Variants in LPIN1 observed in about 807,000 individuals in gnomAD.
The protein encoded by LPIN1 is lipin 1, also known as phosphatidate phosphatase LPIN1.
LPIN1 carries 71 observed loss-of-function variants against 107.5 expected under a neutral mutation model. That is an observed-to-expected ratio of 0.66 (90% CI 0.55 to 0.80). The LOEUF is 0.80. Among genes scored for constraint, LPIN1 ranks in the 30% least tolerant of loss-of-function variants. The pLI, the probability that LPIN1 is intolerant of heterozygous loss-of-function variation, is 0.00. For synonymous variants in LPIN1, 445 were observed against 452.6 expected (o/e 0.98, Z 0.21); for missense variants, 1,043 against 1,160.6 (o/e 0.90, Z 1.47).
chr2:11,762,525 G>A (rs752016240), intron 1 of LPIN1, among the ~76,000 whole-genome samples: 1 of 152,074 alleles, frequency 6.6e-6, no homozygotes, highest in East Asian at 1.9e-4. Context: ...CCCATCCTCC[G>A]AGAGTCCTCT....
intron 2 of LPIN1, among the ~76,000 whole-genome samples, chr2:11,717,962 C>T (rs1663864587): frequency 6.6e-6 from 1 of 152,158 alleles, no homozygotes; most frequent in African/African-American, 2.4e-5. Flanking sequence ...CCATTGCTTC[C>T]TTGCTTTTAG....
intron 7 of LPIN1, among the ~76,000 whole-genome samples, chr2:11,780,596 A>G (rs1045285537): frequency 2.0e-5 from 3 of 152,160 alleles, no homozygotes; most frequent in African/African-American, 7.2e-5. Flanking sequence ...TCCAAAATAA[A>G]TAGAGAAGCA....
At chr2:11,735,882 G>T (rs553263252) in intron 1 of LPIN1, among the ~76,000 whole-genome samples, 1 of 152,326 alleles carries the variant, frequency 6.6e-6, no homozygotes, top group East Asian at 1.9e-4. Context: ...ATCTTAACTG[G>T]GTTCAAAGGT....
intron 1 of LPIN1, among the ~76,000 whole-genome samples, chr2:11,726,211 CAG>C (rs2148540546): frequency 6.6e-6 from 1 of 152,312 alleles, no homozygotes; most frequent in East Asian, 1.9e-4. Flanking sequence ...TTTAATAAAA[CAG>C]AGGTTTCATA....
At chr2:11,727,039 TA>T (rs1329132496) in intron 1 of LPIN1, among the ~76,000 whole-genome samples, 1 of 152,264 alleles carries the variant, frequency 6.6e-6, no homozygotes, top group Non-Finnish European at 1.5e-5. Context: ...AACACTTGAT[TA>T]AAGGGGTGTC....
chr2:11,680,073 C>T (rs138640403), intron 1 of LPIN1, among the ~76,000 whole-genome samples: 1 of 152,222 alleles, frequency 6.6e-6, no homozygotes, highest in Non-Finnish European at 1.5e-5. Context: ...GAAACTGGGA[C>T]CTAGATCAGG....
At chr2:11,680,125 G>A (rs1661633049) in intron 1 of LPIN1, among the ~76,000 whole-genome samples, 1 of 152,232 alleles carries the variant, frequency 6.6e-6, no homozygotes, top group Admixed American at 6.5e-5. Flanking sequence ...AATGCTGAGG[G>A]GGGATGCAGG....
chr2:11,748,110 G>A (rs1167223292), intron 1 of LPIN1, among the ~76,000 whole-genome samples: 2 of 152,332 alleles, frequency 1.3e-5, no homozygotes, highest in Non-Finnish European at 1.5e-5. Flanking sequence ...GTGAGAGACC[G>A]CAGGGATTCC....
Position 11,825,549 on chromosome 2 carries a change from C to T in LPIN1, c.*758C>T, listed in dbSNP as rs796210838. ...ACATTTAAGAATGCGCTTTATCTAG[C>T]TCATGGTAACTTTGCAACGCCTTAG... On this transcript the variant is annotated 3_prime_UTR_variant, in exon 21 of 21. Coordinates refer to ENST00000674199, the MANE Select transcript of LPIN1 (RefSeq NM_001349206.2). The surrounding 1 kb of genome is among the most constrained non-coding windows in gnomAD (Gnocchi z 4.1). The T allele has an allele frequency of 1.6e-4, 25 of 152,748 alleles. 1 individual carries two copies. The highest frequency in any genetic ancestry group is 6.0e-4 in the African/African-American group (25 of 41,548). 9.5% of individuals were successfully genotyped at this position (152,748 alleles called of 1,614,324 possible).
intron 13 of LPIN1, 28 bp downstream of exon 13, chr2:11,792,034 A>C: frequency 3.4e-5 from 54 of 1,591,672 alleles, no homozygotes; most frequent in Non-Finnish European, 4.1e-5. Context: ...AGCAGTGCTC[A>C]CACTTAGCAA....
intron 1 of LPIN1, among the ~76,000 whole-genome samples, chr2:11,701,148 C>T (rs1662852583): frequency 1.3e-5 from 2 of 152,198 alleles, no homozygotes; most frequent in African/African-American, 4.8e-5. Context: ...CTTACCTGAG[C>T]TCTTCCCAGA....
intron 14 of LPIN1, among the ~76,000 whole-genome samples, chr2:11,796,196 G>A (rs1280338472): frequency 6.6e-6 from 1 of 152,182 alleles, no homozygotes; most frequent in Non-Finnish European, 1.5e-5. Flanking sequence ...CAGACAGAAA[G>A]TGCTAACAGA....
intron 10 of LPIN1, 72 bp downstream of exon 10, chr2:11,785,148 A>G (rs1674326425): frequency 8.4e-7 from 1 of 1,195,800 alleles, no homozygotes; most frequent in Non-Finnish European, 1.1e-6. Context: ...GGCTTCTCCA[A>G]GGAGTGCGTG....
Position 11,771,817 on chromosome 2 carries a change from T to C in LPIN1, c.596+138T>C, listed in dbSNP as rs543325631. ...CAGTGGTCCCCAACCTTTTTGGCAC[T>C]AGGGACCAGTTTTGTGGAAGACAGT... On this transcript the variant is annotated intron_variant, in intron 4 of 20. Coordinates refer to ENST00000674199, the MANE Select transcript of LPIN1 (RefSeq NM_001349206.2). The surrounding 1 kb of genome is among the most constrained non-coding windows in gnomAD (Gnocchi z 4.8). 5 of 864,852 alleles carry C rather than the reference T, an allele frequency of 5.8e-6. No homozygotes were observed. The Admixed American group carries it at 1.0e-4, about 18-fold the overall frequency. The allele number at this position is 864,852 out of a possible 1,614,324, so 53.6% of individuals were successfully genotyped here.
At chr2:11,783,608 C>T (rs138055011) in intron 8 of LPIN1, among the ~76,000 whole-genome samples, 40 of 152,340 alleles carry the variant, frequency 2.6e-4, no homozygotes, top group South Asian at 6.2e-4. Flanking sequence ...TCACCCTCAA[C>T]GGTACTGTGC....
chr2:11,812,450 G>T, intron 17 of LPIN1, among the ~76,000 whole-genome samples: 1 of 152,126 alleles, frequency 6.6e-6, no homozygotes, highest in Admixed American at 6.5e-5. Flanking sequence ...GCATGGGGGA[G>T]GTCAAGGGAA....
intron 1 of LPIN1, among the ~76,000 whole-genome samples, chr2:11,739,353 G>A (rs921204019): frequency 6.6e-6 from 1 of 152,156 alleles, no homozygotes; most frequent in Non-Finnish European, 1.5e-5. Flanking sequence ...CACCAGCTGG[G>A]CCACTCCTGG....
chr2:11,709,178 C>G (rs994302363), intron 1 of LPIN1, among the ~76,000 whole-genome samples: 5 of 152,206 alleles, frequency 3.3e-5, no homozygotes, highest in African/African-American at 7.2e-5. Flanking sequence ...CCATCTCCCC[C>G]CTACTCAGAG....
rs1277100109 is a variant in LPIN1, at chr2:11,697,992, G to A, written c.82-15764G>A. On this transcript the variant is annotated intron_variant, in intron 1 of 21. Transcript: ENST00000449576. This position sits in a 1 kb window ranked among gnomAD's most constrained non-coding sequence, Gnocchi z 4.6. Reference sequence around the variant, plus strand: ...TTTTGCCTACAGTCCTGGTGGAGCCGGTGGTGGTCAGAGAGTTTCACTGTC... The same window carrying A: ...TTTTGCCTACAGTCCTGGTGGAGCCAGTGGTGGTCAGAGAGTTTCACTGTC... Among the ~76,000 whole-genome samples, 1 of 152,112 alleles carries A rather than the reference G, an allele frequency of 6.6e-6. No individual in the cohort carries two copies. Among genetic ancestry groups the A allele is most frequent in the Admixed American group, 6.5e-5 (1 of 15,272 alleles).
Sources: allele counts gnomAD v4.1 joint callset (sites outside exome capture counted in the v4.1 genomes callset), GRCh38; gene constraint gnomAD v4.1.1; non-coding constraint Gnocchi (gnomAD v3.1); transcripts MANE v1.5; gene names NCBI Gene and HGNC (gene_info 2026-07-23, HGNC 2026-07-21).